VWDE: variants seen among roughly 807,000 people sequenced by gnomAD.
VWDE encodes von Willebrand factor D and EGF domain-containing protein.
Under a neutral mutation model 178.4 loss-of-function variants are expected in VWDE, and 207 were observed. That is an observed-to-expected ratio of 1.16 (90% confidence interval 1.04 to 1.30). The LOEUF (loss-of-function observed/expected upper bound fraction) is 1.30, where lower values mean the gene tolerates loss of function less well. Among genes scored for constraint, VWDE ranks in the 50% most tolerant of loss-of-function variants. VWDE has a pLI of 0.00. For synonymous variants in VWDE, 738 were observed against 651.4 expected (o/e 1.13, Z -2.02); for missense variants, 2,287 against 1,901.3 (o/e 1.20, Z -3.77).
chr7:12,393,955 G>A (rs929698579), intron 1 of VWDE, among the ~76,000 whole-genome samples, 177 bp from the exon 2 acceptor site: 1 of 152,122 alleles, frequency 6.6e-6, no homozygotes, highest in African/African-American at 2.4e-5. Context: ...TAACTAACTT[G>A]CATGTTTCAT....
intron 12 of VWDE, among the ~76,000 whole-genome samples, chr7:12,368,126 A>G (rs532014048): frequency 6.6e-6 from 1 of 151,710 alleles, no homozygotes; most frequent in East Asian, 1.9e-4. Context: ...CAAATTCAAC[A>G]AATGTTTAGT....
Position 12,358,991 on chromosome 7 carries a change from T to C in VWDE, c.3274+587A>G, listed in dbSNP as rs936811917. Among the ~76,000 whole-genome samples, 4 of 152,152 alleles carry C rather than the reference T, an allele frequency of 2.6e-5. No individual in the cohort carries two copies. In the East Asian group the frequency reaches 7.7e-4, roughly 29 times the overall value. On this transcript the variant is annotated intron_variant, in intron 16 of 28. Coordinates refer to ENST00000275358, the MANE Select transcript of VWDE (RefSeq NM_001135924.3). ...AGCTGTATGACTTCCTTAAATAAAA[T>C]TACATGGGGCCAGGGAATAATTGTG...
At chr7:12,371,231 G>A (rs150802353) in intron 10 of VWDE, among the ~76,000 whole-genome samples, 54 of 152,232 alleles carry the variant, frequency 3.5e-4, no homozygotes, top group African/African-American at 1.3e-3. Flanking sequence ...GAATTAGATT[G>A]CCAAATAATT....
rs1029967882 is a variant in VWDE, at chr7:12,403,580, C to G, written c.58+79G>C. ...CGCACAGGGACGCTCCCCAAGTCGT[C>G]CAAAAAGTCTAGCCTAGTCCCTCTA... On this transcript the variant is annotated intron_variant, in intron 1 of 28. Coordinates refer to ENST00000275358, the MANE Select transcript of VWDE (RefSeq NM_001135924.3). 1.2e-4 allele frequency: 166 copies of G among 1,388,542 alleles called. 1 individual carries two copies. Among genetic ancestry groups the G allele is most frequent in the Admixed American group, 1.2e-4 (5 of 40,680 alleles). The allele number at this position is 1,388,542 out of a possible 1,614,324, so 86.0% of individuals were successfully genotyped here. A position where few individuals can be genotyped will look rare whatever the true frequency, so the allele number is the denominator to read the frequency against.
chr7:12,403,658 C>G lies in VWDE; in HGVS notation c.58+1G>C. On this transcript the variant is annotated splice_donor_variant, in intron 1 of 28. Coordinates refer to ENST00000275358, the MANE Select transcript of VWDE (RefSeq NM_001135924.3). LOFTEE classifies it high-confidence loss of function. ...ACCCCCGCGCGCCCTACCTCGCTTA[C>G]CTTCCCCCCAGGCCAGGAACATCAG... 6.5e-7 allele frequency: 1 copy of G among 1,543,656 alleles called. No individual in the cohort carries two copies. The highest frequency in any genetic ancestry group is 1.2e-5 in the South Asian group (1 of 83,938).
chr7:12,359,755 T>C (rs1782470918), intron 15 of VWDE, 63 bp from the exon 16 acceptor site: 2 of 991,612 alleles, frequency 2.0e-6, no homozygotes, highest in East Asian at 2.6e-5. Flanking sequence ...AAAAAGTACA[T>C]AGAAGGATGG....
Position 12,373,082 on chromosome 7 carries a change from CA to C in VWDE, c.1481del (p.Met494SerfsTer15). On this transcript the variant is annotated frameshift_variant, in exon 10 of 29. Transcript: ENST00000275358. LOFTEE classifies it high-confidence loss of function. ...GTGATTCACGTAGCTGACCATTGCACATATCAAAAGTAACTATATCACCTCC... is the reference window on the plus strand; with the variant it reads ...GTGATTCACGTAGCTGACCATTGCACTATCAAAAGTAACTATATCACCTCC... ...QEGGDIVTFD[M>X]CNGQLRESQP... is the part of the protein sequence containing the mutation. The C allele has an allele frequency of 1.9e-6, 3 of 1,551,256 alleles. No homozygotes were observed. The highest frequency in any genetic ancestry group is 2.6e-6 in the Non-Finnish European group (3 of 1,146,730).
rs1315010052 is a variant in VWDE at position 12,370,026 on chromosome 7, A to C, written c.2280T>G (p.Pro760=). Residue 760 remains proline (P), a synonymous_variant, in exon 12 of 29, where the codon CCT becomes CCG. Coordinates refer to ENST00000275358, the MANE Select transcript of VWDE (RefSeq NM_001135924.3). The stretch of plus-strand genomic sequence containing the variant: ...GGCTGAGACTCGGGAAAGCAAACAA[A>C]GGAGGAAACTCATGAAAGTTCTGCC... ...WKRQNFHEFP[P]LFAFPSLSQT... The C allele has an allele frequency of 6.4e-7, 1 of 1,551,540 alleles. No homozygotes were observed. Among genetic ancestry groups the C allele is most frequent in the East Asian group, 2.4e-5 (1 of 40,912 alleles).
chr7:12,344,420 GT>G lies in VWDE; in HGVS notation c.3935del (p.Asn1312ThrfsTer74). On this transcript the variant is annotated frameshift_variant, in exon 20 of 29. Coordinates refer to ENST00000275358, the MANE Select transcript of VWDE (RefSeq NM_001135924.3). LOFTEE classifies it high-confidence loss of function. ...TGTAACCAGGTTTACATTTGCAGATGTTTGGGGCAACACACTCCCTACTTTT... is the reference window on the plus strand; with the variant it reads ...TGTAACCAGGTTTACATTTGCAGATGTTGGGGCAACACACTCCCTACTTTT... ...CGKSRECVAP[N>X]ICKCKPGYIG... 6.4e-7 allele frequency: 1 copy of G among 1,550,902 alleles called. No homozygotes were observed. Among genetic ancestry groups the G allele is most frequent in the Non-Finnish European group, 8.7e-7 (1 of 1,146,586 alleles).
chr7:12,345,312 T>C (rs1781544463), intron 19 of VWDE, among the ~76,000 whole-genome samples: 1 of 152,140 alleles, frequency 6.6e-6, no homozygotes, highest in Non-Finnish European at 1.5e-5. Context: ...GAAATTAGTA[T>C]ATGGAAAAGC....
chr7:12,367,903 A>G (rs187969197), intron 12 of VWDE, among the ~76,000 whole-genome samples: 1 of 152,252 alleles, frequency 6.6e-6, no homozygotes, highest in Admixed American at 6.5e-5. Flanking sequence ...ATGTATTAAA[A>G]TTTCAAAATG....
intron 10 of VWDE, 30 bp downstream of exon 10, chr7:12,372,947 A>G (rs1783288265): frequency 6.5e-7 from 1 of 1,532,816 alleles, no homozygotes; most frequent in African/African-American, 1.4e-5. Flanking sequence ...AAAAGGAAAA[A>G]TACTTTCAAT....
rs979371518 is a variant in VWDE, at chr7:12,344,218, T to C, written c.4055A>G (p.His1352Arg). 9.7e-6 allele frequency: 15 copies of C among 1,551,116 alleles called. No individual in the cohort carries two copies. The highest frequency in any genetic ancestry group is 2.0e-5 in the Admixed American group (1 of 50,942). ...ACCTTCATCACAGGTTGCTCCACCA[T>C]GTCCTGGAAGACACTGACAAATGTT... is the stretch of plus-strand genomic sequence containing the variant. Reference protein sequence around the residue: ...KPNICQCLPGHGGATCDEEHC... With the variant: ...KPNICQCLPGRGGATCDEEHC... Residue 1352 changes from histidine to arginine, a missense_variant, in exon 21 of 29, where the codon CAT becomes CGT. Physicochemically the swap from His to Arg is conservative, Grantham distance 29 (BLOSUM62 0). Transcript: ENST00000275358.
intron 23 of VWDE, among the ~76,000 whole-genome samples, chr7:12,341,611 G>A (rs7812040): frequency 0.13 from 19,421 of 148,186 alleles, 1,461 homozygotes; most frequent in Non-Finnish European, 0.16. Context: ...CAGCCTGGGC[G>A]ACAGAGTGAG....
At chr7:12,365,934 G>A (rs781766580) in intron 13 of VWDE, among the ~76,000 whole-genome samples, 1 of 151,952 alleles carries the variant, frequency 6.6e-6, no homozygotes, top group Non-Finnish European at 1.5e-5. Context: ...TAATCCCCAG[G>A]GATCGAGGGA....
chr7:12,374,263 T>C (rs777444461), intron 9 of VWDE, among the ~76,000 whole-genome samples: 11 of 152,110 alleles, frequency 7.2e-5, no homozygotes, highest in Non-Finnish European at 1.2e-4. Context: ...GTTTTTTTCC[T>C]GAGTATTCTT....
At position 12,377,865 on chromosome 7, in the gene VWDE, A is replaced by G. The variant is rs1169035411; in HGVS notation, c.935T>C (p.Ile312Thr). ...ACAAATAATAGGAACTGTGCTTTCT[A>G]TCCTCAGGTAGTATTCTTTCCCATC... ...SEDGKEYYLR[I>T]ESTVPIICSE... The change falls in exon 7 of 29, where the codon ATA becomes ACA. Residue 312 changes from isoleucine to threonine, a missense_variant. By Grantham distance (89) the Ile-to-Thr change is moderately conservative (BLOSUM62 -1). Coordinates refer to ENST00000275358, the MANE Select transcript of VWDE (RefSeq NM_001135924.3). 1 of 1,528,868 alleles carries G rather than the reference A, an allele frequency of 6.5e-7. No homozygotes were observed. Among genetic ancestry groups the G allele is most frequent in the Non-Finnish European group, 8.8e-7 (1 of 1,136,640 alleles). The allele number at this position is 1,528,868 out of a possible 1,614,324, so 94.7% of individuals were successfully genotyped here.
At chr7:12,349,801 A>C (rs1047863967) in intron 19 of VWDE, among the ~76,000 whole-genome samples, 34 of 152,226 alleles carry the variant, frequency 2.2e-4, no homozygotes, top group Admixed American at 1.4e-3. Flanking sequence ...CAGTGGAAAG[A>C]TACAACTAAA....
chr7:12,403,586 A>T, intron 1 of VWDE, 73 bp downstream of exon 1: 1 of 1,411,868 alleles, frequency 7.1e-7, no homozygotes, highest in Non-Finnish European at 9.4e-7. Context: ...TCGTCCAAAA[A>T]GTCTAGCCTA....
Sources: gnomAD v4.1 joint callset for allele counts (sites outside exome capture counted in the v4.1 genomes callset) on GRCh38, gnomAD v4.1.1 for gene constraint, MANE v1.5 for transcripts, NCBI Gene and HGNC (gene_info 2026-07-23, HGNC 2026-07-21) for gene names.